The following PPEF2 variants were observed in gnomAD, a reference collection of about 807,000 sequenced individuals.
PPEF2 encodes serine/threonine-protein phosphatase with EF-hands 2.
PPEF2 carries 84 observed loss-of-function variants against 84.7 expected under a neutral mutation model. The observed-to-expected ratio is 0.99, with a 90% CI of 0.83 to 1.19. PPEF2 has a LOEUF of 1.19. Among genes scored for constraint, PPEF2 ranks in the 50% most tolerant of loss-of-function variants. The pLI, the probability that PPEF2 is intolerant of heterozygous loss-of-function variation, is 0.00. For missense variants in PPEF2, 924 were observed against 937.5 expected (o/e 0.99, Z 0.19); for synonymous variants, 346 against 345.2 (o/e 1.00, Z -0.03).
chr4:75,886,308 A>G (rs143662338), intron 7 of PPEF2, among the ~76,000 whole-genome samples: 1 of 152,178 alleles, frequency 6.6e-6, no homozygotes, highest in African/African-American at 2.4e-5. Flanking sequence ...GCCGGCCCGC[A>G]GTTCGGCTCA....
rs1332651865 is a variant in PPEF2 at position 75,867,393 on chromosome 4, A to G, written c.1676T>C (p.Leu559Pro). 1 of 1,613,852 alleles carries G rather than the reference A, an allele frequency of 6.2e-7. No homozygotes were observed. The highest frequency in any genetic ancestry group is 1.7e-5 in the Admixed American group (1 of 59,988). ...QRISRVEESA[L>P]RALREKLFAH... Reference sequence around the variant, plus strand: ...AAACAGCTTCTCCCTCAGAGCTCTCAGAGCCGACTCCTCCACTCTGCTAAT... The same window carrying G: ...AAACAGCTTCTCCCTCAGAGCTCTCGGAGCCGACTCCTCCACTCTGCTAAT... Residue 559 changes from leucine to proline, a missense_variant, in exon 14 of 17, where the codon CTG (leucine) becomes CCG (proline). Coordinates refer to ENST00000286719, the MANE Select transcript of PPEF2 (RefSeq NM_006239.3).
chr4:75,876,552 C>A lies in PPEF2; in HGVS notation c.1055G>T (p.Arg352Leu). 1.2e-6 allele frequency: 2 copies of A among 1,614,086 alleles called. No individual in the cohort carries two copies. Among genetic ancestry groups the A allele is most frequent in the South Asian group, 2.2e-5 (2 of 91,054 alleles). Reference sequence around the variant, plus strand: ...CCGAAGGGGCGAAGAGGGAAGAGAGCGGCTTTCGGGGAGAAACCATGGGAT... The same window carrying A: ...CCGAAGGGGCGAAGAGGGAAGAGAGAGGCTTTCGGGGAGAAACCATGGGAT... ...GPIPWFLPESRSLPSSPLRLG... is the reference protein window; with the variant it reads ...GPIPWFLPESLSLPSSPLRLG... Residue 352 changes from arginine (R) to leucine (L), a missense_variant, in exon 11 of 17, where the codon CGC becomes CTC. Transcript: ENST00000286719.
chr4:75,872,223 C>T (rs936162690), intron 12 of PPEF2, 56 bp from the exon 13 acceptor site: 3 of 1,554,058 alleles, frequency 1.9e-6, no homozygotes, highest in Non-Finnish European at 2.6e-6. Flanking sequence ...AACCTTCACC[C>T]TCAATCCTAT....
At chr4:75,866,028 AAC>A (rs945758705) in intron 15 of PPEF2, among the ~76,000 whole-genome samples, 159 bp downstream of exon 15, 1 of 152,216 alleles carries the variant, frequency 6.6e-6, no homozygotes, top group Non-Finnish European at 1.5e-5. Context: ...AAAACCACTT[AAC>A]ACAAAAGCCT....
At chr4:75,894,919 C>T (rs1296918781) in intron 2 of PPEF2, among the ~76,000 whole-genome samples, 1 of 152,128 alleles carries the variant, frequency 6.6e-6, no homozygotes, top group Non-Finnish European at 1.5e-5. Flanking sequence ...AAACAAGTGA[C>T]AAACTGGGAA....
chr4:75,861,324 C>T (rs1723994156), intron 16 of PPEF2, among the ~76,000 whole-genome samples: 1 of 151,882 alleles, frequency 6.6e-6, no homozygotes, highest in South Asian at 2.1e-4. Context: ...TCAAACATAT[C>T]CTAATTTATT....
intron 1 of PPEF2, among the ~76,000 whole-genome samples, chr4:75,897,432 G>T (rs1226883916): frequency 6.6e-6 from 1 of 151,982 alleles, no homozygotes; most frequent in African/African-American, 2.4e-5. Context: ...CTAAACTTCA[G>T]CCCCACATAT....
chr4:75,885,339 G>A (rs1019854024), intron 7 of PPEF2, among the ~76,000 whole-genome samples: 2 of 152,036 alleles, frequency 1.3e-5, no homozygotes, highest in African/African-American at 4.8e-5. Context: ...TTAAGAGACA[G>A]GGCCTCACTA....
chr4:75,895,991 CCT>C (rs1021096733), intron 2 of PPEF2, among the ~76,000 whole-genome samples: 2 of 152,160 alleles, frequency 1.3e-5, no homozygotes, highest in Non-Finnish European at 2.9e-5. Context: ...TGTTTCATCC[CCT>C]CTTTGCCCAA....
intron 2 of PPEF2, among the ~76,000 whole-genome samples, chr4:75,895,661 A>G (rs911713287): frequency 3.3e-5 from 5 of 150,696 alleles, no homozygotes; most frequent in Admixed American, 1.3e-4. Flanking sequence ...GAACCCAGGA[A>G]GAGGAGTTTG....
chr4:75,869,220 T>A (rs958112035), intron 13 of PPEF2, among the ~76,000 whole-genome samples: 1 of 152,238 alleles, frequency 6.6e-6, no homozygotes, highest in Admixed American at 6.5e-5. Context: ...TATGCAGGGA[T>A]GGAGTAGGGC....
intron 2 of PPEF2, 40 bp from the exon 3 acceptor site, chr4:75,892,018 TC>T: frequency 6.2e-7 from 1 of 1,603,476 alleles, no homozygotes. Context: ...GAGCTCGGAC[TC>T]CCTGGGCCAG....
At position 75,888,322 on chromosome 4, in the gene PPEF2, G is replaced by A. The variant is rs373562208; in HGVS notation, c.424C>T (p.His142Tyr). 2.5e-5 allele frequency: 40 copies of A among 1,610,898 alleles called. No individual in the cohort carries two copies. Among genetic ancestry groups the A allele is most frequent in the Non-Finnish European group, 3.1e-5 (37 of 1,177,234 alleles). Reference sequence around the variant, plus strand: ...AAAAGGTTCAAGACGTAGCGAGCATGGAGCTGCTACTGGGAGGAAGAGGAG... The same window carrying A: ...AAAAGGTTCAAGACGTAGCGAGCATAGAGCTGCTACTGGGAGGAAGAGGAG... ...VEAFRLKQQL[H>Y]ARYVLNLLYE... The change falls in exon 6 of 17, where the codon CAT becomes TAT. Residue 142 changes from histidine (H) to tyrosine (Y), a missense_variant. His to Tyr is a moderately conservative substitution (Grantham distance 83). Coordinates refer to ENST00000286719, the MANE Select transcript of PPEF2 (RefSeq NM_006239.3).
intron 10 of PPEF2, 178 bp downstream of exon 10, chr4:75,882,748 C>A: frequency 1.7e-6 from 1 of 601,710 alleles, no homozygotes; most frequent in Non-Finnish European, 2.7e-6. Flanking sequence ...ATCTTCCTGT[C>A]TTCTAAAGTG....
At chr4:75,891,367 G>C (rs1724877500) in intron 4 of PPEF2, among the ~76,000 whole-genome samples, 1 of 152,048 alleles carries the variant, frequency 6.6e-6, no homozygotes, top group Non-Finnish European at 1.5e-5. Flanking sequence ...TGAGTTGCTG[G>C]ACTGGCTGCG....
Position 75,872,112 on chromosome 4 carries a change from G to C in PPEF2, c.1562C>G (p.Ala521Gly), listed in dbSNP as rs1233347486. The C allele has an allele frequency of 6.2e-7, 1 of 1,613,870 alleles. No homozygotes were observed. The highest frequency in any genetic ancestry group is 1.3e-5 in the African/African-American group (1 of 75,000). The change falls in exon 13 of 17, where the codon GCC becomes GGC. Residue 521 changes from alanine to glycine, a missense_variant. Coordinates refer to ENST00000286719, the MANE Select transcript of PPEF2 (RefSeq NM_006239.3). Reference protein sequence around the residue: ...NYYEVGSNRGAYVKLGPALTP... With the variant: ...NYYEVGSNRGGYVKLGPALTP... ...CAGGGCTGGCCCCAGTTTGACATAG[G>C]CCCCTCTGTTGCTGCCAACTTCATA...
In PPEF2 at chr4:75,877,989, G is replaced by A. The variant is rs1384213103; in HGVS notation, c.934-1316C>T. ...TCATTGACTTTCCTGTCATTCCACA[G>A]ATGCTAAAACAAAGAAAAAGAATCA... On this transcript the variant is annotated intron_variant, in intron 10 of 16. Coordinates refer to ENST00000286719, the MANE Select transcript of PPEF2 (RefSeq NM_006239.3). Among the ~76,000 whole-genome samples, 6 of 152,292 alleles carry A rather than the reference G, an allele frequency of 3.9e-5. No homozygotes were observed. In the East Asian group the frequency reaches 1.2e-3, roughly 29 times the overall value.
chr4:75,866,074 T>C, intron 15 of PPEF2, 115 bp downstream of exon 15: 1 of 1,205,242 alleles, frequency 8.3e-7, no homozygotes, highest in Non-Finnish European at 1.1e-6. Flanking sequence ...GTTATTCCCC[T>C]TTCTCACCCA....
At chr4:75,898,215 A>G (rs1578018634) in intron 1 of PPEF2, among the ~76,000 whole-genome samples, 1 of 152,122 alleles carries the variant, frequency 6.6e-6, no homozygotes, top group East Asian at 1.9e-4. Flanking sequence ...AAAGCCCACC[A>G]CCTTCCAGCA....
Sources: allele counts gnomAD v4.1 joint callset (sites outside exome capture counted in the v4.1 genomes callset), GRCh38; gene constraint gnomAD v4.1.1; transcripts MANE v1.5; gene names NCBI Gene and HGNC (gene_info 2026-07-23, HGNC 2026-07-21).